Variants in STK24 observed in about 807,000 individuals in gnomAD.
The protein encoded by STK24 is serine/threonine kinase 24.
In STK24, 21 loss-of-function variants were observed where a neutral mutation model predicts 55.6. The observed-to-expected ratio is 0.38, with a 90% CI of 0.27 to 0.54. STK24 has a LOEUF of 0.54. STK24 is among the 20% of genes least tolerant of loss of function. The pLI, the probability that STK24 is intolerant of heterozygous loss-of-function variation, is 0.79. For missense variants in STK24, 383 were observed against 538.4 expected (o/e 0.71, Z 2.86); for synonymous variants, 200 against 215.2 (o/e 0.93, Z 0.62).
chr13:98,570,756 A>T (rs560108634), intron 1 of STK24, among the ~76,000 whole-genome samples: 5 of 152,358 alleles, frequency 3.3e-5, no homozygotes, highest in African/African-American at 1.2e-4. Context: ...TTTAGGATTA[A>T]GAAACTCCAT....
chr13:98,490,015 T>G (rs1370143396), intron 2 of STK24, among the ~76,000 whole-genome samples: 1 of 152,118 alleles, frequency 6.6e-6, no homozygotes, highest in Non-Finnish European at 1.5e-5. Flanking sequence ...GCACCCACAG[T>G]GGACAGGCAT....
At chr13:98,477,868 G>C (rs1404300964) in intron 3 of STK24, among the ~76,000 whole-genome samples, 1 of 152,084 alleles carries the variant, frequency 6.6e-6, no homozygotes, top group African/African-American at 2.4e-5. Context: ...AAGAGGAAGA[G>C]GTGAGGAACA....
At chr13:98,457,355 CTG>C (rs751678569) in intron 9 of STK24, 51 bp from the exon 10 acceptor site, 25 of 1,612,278 alleles carry the variant, frequency 1.6e-5, no homozygotes, top group Non-Finnish European at 2.1e-5. Flanking sequence ...AGCTGCAAAA[CTG>C]GGAAGCATGC....
At chr13:98,492,301 G>A (rs1895073205) in intron 2 of STK24, among the ~76,000 whole-genome samples, 1 of 152,158 alleles carries the variant, frequency 6.6e-6, no homozygotes, top group South Asian at 2.1e-4. Flanking sequence ...AGAACTCCTA[G>A]AAAGTGGGAG....
At chr13:98,546,557 T>C (rs1183353183) in intron 1 of STK24, among the ~76,000 whole-genome samples, 1 of 152,220 alleles carries the variant, frequency 6.6e-6, no homozygotes, top group South Asian at 2.1e-4. Flanking sequence ...CACCACCAGA[T>C]GGGCTGCGTG....
chr13:98,563,510 T>A (rs1248878448), intron 1 of STK24, among the ~76,000 whole-genome samples: 1 of 152,130 alleles, frequency 6.6e-6, no homozygotes, highest in Non-Finnish European at 1.5e-5. Flanking sequence ...ATGTGGTCAA[T>A]CCCCTAAGTC....
intron 2 of STK24, among the ~76,000 whole-genome samples, chr13:98,497,604 G>C (rs1895294583): frequency 6.6e-6 from 1 of 152,194 alleles, no homozygotes; most frequent in African/African-American, 2.4e-5. Context: ...CAAAACAGAG[G>C]TGGCTCAGGA....
chr13:98,558,818 T>G (rs1230445727), intron 1 of STK24, among the ~76,000 whole-genome samples: 4 of 152,036 alleles, frequency 2.6e-5, no homozygotes, highest in African/African-American at 9.7e-5. Context: ...AAACTGTGCT[T>G]CTTTTTGCAT....
rs1223312089 is a variant in STK24 at position 98,449,493 on chromosome 13, G to A, written c.*3680C>T. 1 of 152,302 alleles carries A rather than the reference G, an allele frequency of 6.6e-6. No homozygotes were observed. The highest frequency in any genetic ancestry group is 1.5e-5 in the Non-Finnish European group (1 of 68,034). 9.4% of individuals were successfully genotyped at this position (152,302 alleles called of 1,614,324 possible). A position where few individuals can be genotyped will look rare whatever the true frequency, so the allele number is the denominator to read the frequency against. Reference sequence around the variant, plus strand: ...GGTTTTCCTAAGCCCTTTCTAACGAGAGTCTCAAACAAGCGGAGGCGAGGG... The same window carrying A: ...GGTTTTCCTAAGCCCTTTCTAACGAAAGTCTCAAACAAGCGGAGGCGAGGG... On this transcript the variant is annotated 3_prime_UTR_variant, in exon 11 of 11. Transcript: ENST00000539966.
chr13:98,474,616 T>C (rs1305370044), intron 5 of STK24, among the ~76,000 whole-genome samples: 1 of 152,146 alleles, frequency 6.6e-6, no homozygotes, highest in Non-Finnish European at 1.5e-5. Context: ...TCGATCATGG[T>C]GGGCTGGATC....
At chr13:98,509,947 T>C (rs1201243252) in intron 2 of STK24, among the ~76,000 whole-genome samples, 3 of 152,228 alleles carry the variant, frequency 2.0e-5, no homozygotes, top group Non-Finnish European at 2.9e-5. Flanking sequence ...TCTTTGAACT[T>C]GGATTTGACC....
At chr13:98,560,356 T>C (rs1366195204) in intron 1 of STK24, among the ~76,000 whole-genome samples, 1 of 152,174 alleles carries the variant, frequency 6.6e-6, no homozygotes, top group Non-Finnish European at 1.5e-5. Flanking sequence ...CCACTCAAAA[T>C]GCATACAGTA....
chr13:98,503,868 A>AC (rs1397764282), intron 2 of STK24, among the ~76,000 whole-genome samples: 5 of 152,228 alleles, frequency 3.3e-5, no homozygotes, highest in Non-Finnish European at 7.3e-5. Context: ...ACTCCCACTG[A>AC]CCACAGCAAC....
chr13:98,520,830 G>A (rs1001264657), intron 1 of STK24, among the ~76,000 whole-genome samples: 7 of 152,198 alleles, frequency 4.6e-5, no homozygotes, highest in Non-Finnish European at 8.8e-5. Flanking sequence ...CGCACATATC[G>A]CCACAATGAC....
Position 98,461,762 on chromosome 13 carries a change from G to T in STK24, c.1053+12C>A. 1.2e-6 allele frequency: 2 copies of T among 1,613,696 alleles called. No individual in the cohort carries two copies. Among genetic ancestry groups the T allele is most frequent in the South Asian group, 2.2e-5 (2 of 91,022 alleles). On this transcript the variant is annotated intron_variant, in intron 8 of 10. Coordinates refer to ENST00000539966, the MANE Select transcript of STK24 (RefSeq NM_001032296.4). The stretch of plus-strand genomic sequence containing the variant: ...GAGGTCAGCGTGGCCATTCTGGAGT[G>T]AGCAGACGTACCTTATTTCTGTCCA...
chr13:98,545,470 TA>T (rs1389746685), intron 1 of STK24, among the ~76,000 whole-genome samples: 1 of 151,932 alleles, frequency 6.6e-6, no homozygotes, highest in African/African-American at 2.4e-5. Flanking sequence ...CCGTCTCCAC[TA>T]AAAATACAAA....
intron 1 of STK24, among the ~76,000 whole-genome samples, chr13:98,550,098 C>T (rs1843312373): frequency 6.6e-6 from 1 of 152,234 alleles, no homozygotes; most frequent in African/African-American, 2.4e-5. Flanking sequence ...GGTTGTAACA[C>T]TGCAGGCTTC....
rs573007213 is a variant in STK24, at chr13:98,526,203, CA to C, written c.43-6731del. Among the ~76,000 whole-genome samples, 7 of 152,306 alleles carry C rather than the reference CA, an allele frequency of 4.6e-5. No homozygotes were observed. The East Asian group carries it at 1.3e-3, about 29-fold the overall frequency. ...TTTCTCTCAGTCTTCTTTCTGTGAA[CA>C]GATGCTTTGTCCTTTGTCAAGCTGT... On this transcript the variant is annotated intron_variant, in intron 1 of 10. Transcript: ENST00000539966.
chr13:98,460,226 T>G (rs1893643110), intron 9 of STK24, 146 bp downstream of exon 9: 2 of 582,026 alleles, frequency 3.4e-6, no homozygotes, highest in Non-Finnish European at 6.0e-6. Context: ...CTGACAGCCT[T>G]TGGGAAGGCA....
Sources: gnomAD v4.1 joint callset for allele counts (sites outside exome capture counted in the v4.1 genomes callset) on GRCh38, gnomAD v4.1.1 for gene constraint, MANE v1.5 for transcripts, NCBI Gene and HGNC (gene_info 2026-07-23, HGNC 2026-07-21) for gene names.